Variants in LEF1 observed in about 807,000 individuals in gnomAD.
The protein encoded by LEF1 is lymphoid enhancer-binding factor 1.
In LEF1, 14 loss-of-function variants were observed where a neutral mutation model predicts 51.2. The observed-to-expected ratio is 0.27, with a 90% CI of 0.18 to 0.43. The LOEUF (loss-of-function observed/expected upper bound fraction) is 0.43. Ranked by LOEUF, LEF1 falls within the 20% of genes least tolerant of loss-of-function variation. The pLI, the probability that LEF1 is intolerant of heterozygous loss-of-function variation, is 1.00. For missense variants in LEF1, 386 were observed against 512.0 expected (o/e 0.75, Z 2.37); for synonymous variants, 185 against 183.2 (o/e 1.01, Z -0.08).
chr4:108,119,425 T>C (rs1402505129), intron 3 of LEF1, among the ~76,000 whole-genome samples: 2 of 152,094 alleles, frequency 1.3e-5, no homozygotes, highest in Non-Finnish European at 2.9e-5. Flanking sequence ...TCTGAGTCCA[T>C]ATTACATATT....
chr4:108,128,339 G>T (rs1468852926), intron 3 of LEF1, among the ~76,000 whole-genome samples: 1 of 151,982 alleles, frequency 6.6e-6, no homozygotes, highest in Non-Finnish European at 1.5e-5. Context: ...ACAACAAAAA[G>T]ATGAACAAAG....
chr4:108,103,166 G>T (rs142358461), intron 3 of LEF1, among the ~76,000 whole-genome samples: 1 of 152,188 alleles, frequency 6.6e-6, no homozygotes, highest in Non-Finnish European at 1.5e-5. Flanking sequence ...CTGCAAACAC[G>T]CAGCCAAACA....
chr4:108,122,371 T>C (rs1560805519), intron 3 of LEF1, among the ~76,000 whole-genome samples: 1 of 152,230 alleles, frequency 6.6e-6, no homozygotes. Context: ...CGTATTTTTT[T>C]CATACCTTTC....
chr4:108,049,086 C>T lies in LEF1; in HGVS notation c.*7-335G>A, dbSNP rs558192670. 2.5e-4 allele frequency among the ~76,000 whole-genome samples: 38 copies of T among 152,228 alleles called. No individual in the cohort carries two copies. The South Asian group carries it at 3.3e-3, about 13-fold the overall frequency. Reference sequence around the variant, plus strand: ...AACAGGCAAACATGAATAGGGAAGGCGGGCAACAGCCAGATCAGGGAAAGA... The same window carrying T: ...AACAGGCAAACATGAATAGGGAAGGTGGGCAACAGCCAGATCAGGGAAAGA... On this transcript the variant is annotated intron_variant, in intron 11 of 11. Transcript: ENST00000265165.
chr4:108,065,382 G>A (rs1737997028), intron 9 of LEF1, among the ~76,000 whole-genome samples: 1 of 152,226 alleles, frequency 6.6e-6, no homozygotes, highest in South Asian at 2.1e-4. Context: ...CTACTGGGGA[G>A]GCTGAAGCAG....
At chr4:108,120,987 T>C (rs1303353667) in intron 3 of LEF1, among the ~76,000 whole-genome samples, 1 of 152,228 alleles carries the variant, frequency 6.6e-6, no homozygotes, top group African/African-American at 2.4e-5. Context: ...GACCTGTCAA[T>C]CATTCTGCAA....
chr4:108,134,725 G>A (rs754709442), intron 3 of LEF1, among the ~76,000 whole-genome samples: 9 of 152,210 alleles, frequency 5.9e-5, no homozygotes, highest in Non-Finnish European at 8.8e-5. Context: ...GAAGTAGGAG[G>A]TAACATCGTT....
At chr4:108,139,268 C>G (rs951651814) in intron 3 of LEF1, among the ~76,000 whole-genome samples, 1 of 152,172 alleles carries the variant, frequency 6.6e-6, no homozygotes, top group African/African-American at 2.4e-5. Context: ...ACCATCAGTG[C>G]GTGGTTGTTT....
chr4:108,057,895 A>G (rs938199715), intron 11 of LEF1, among the ~76,000 whole-genome samples: 6 of 146,286 alleles, frequency 4.1e-5, no homozygotes, highest in African/African-American at 1.0e-4. Flanking sequence ...TTTCCCCGAG[A>G]CGGAGTCTCT....
At chr4:108,099,163 T>C (rs1466038105) in intron 3 of LEF1, among the ~76,000 whole-genome samples, 2 of 152,176 alleles carry the variant, frequency 1.3e-5, no homozygotes, top group African/African-American at 4.8e-5. Context: ...TCAATAAATT[T>C]ATTACTAAAA....
intron 3 of LEF1, among the ~76,000 whole-genome samples, chr4:108,143,285 C>A (rs1743786235): frequency 6.6e-6 from 1 of 152,122 alleles, no homozygotes; most frequent in African/African-American, 2.4e-5. Flanking sequence ...GGAAAGGGTA[C>A]AAACTACATG....
intron 4 of LEF1, 149 bp downstream of exon 4, chr4:108,088,976 C>T: frequency 2.4e-6 from 2 of 844,276 alleles, no homozygotes; most frequent in Non-Finnish European, 3.9e-6. Context: ...CAAAGAATTG[C>T]TATCAAATGA....
intron 4 of LEF1, among the ~76,000 whole-genome samples, chr4:108,086,850 G>A (rs373754883): frequency 2.0e-4 from 6 of 29,630 alleles, no homozygotes; most frequent in South Asian, 1.4e-3. Context: ...ACACACACAC[G>A]TGAAAACTAA....
chr4:108,132,659 C>CTTTTTTTTT lies in LEF1; in HGVS notation c.414+30900_414+30908dup, dbSNP rs749911957. Among the ~76,000 whole-genome samples, 441 of 47,434 alleles carry CTTTTTTTTT rather than the reference C, an allele frequency of 9.3e-3. 118 individuals are homozygous for CTTTTTTTTT. Among genetic ancestry groups the CTTTTTTTTT allele is most frequent in the African/African-American group, 0.033 (402 of 12,156 alleles). The allele number at this position is 47,434 out of a possible 152,430, so 31.1% of individuals were successfully genotyped here. On this transcript the variant is annotated intron_variant, in intron 3 of 11. Transcript: ENST00000265165. ...ATATGGGATGAGAGCGAAAATCTGC[C>CTTTTTTTTT]TTTTTTTTTTTTTTTTTTTTTTTTT... is the stretch of plus-strand genomic sequence containing the variant.
rs1745549688 is a variant in LEF1 at position 108,168,367 on chromosome 4, A to G, written c.-600T>C. ...AAACGTCCACTTCCTGAAGGGTGGG[A>G]AAAAAAGAAAAAGAAAAAGGAGCCA... On this transcript the variant is annotated 5_prime_UTR_variant, in exon 1 of 12. Coordinates refer to ENST00000265165, the MANE Select transcript of LEF1 (RefSeq NM_016269.5). The surrounding 1 kb of genome is among the most constrained non-coding windows in gnomAD (Gnocchi z 4.6). 1 of 152,242 alleles carries G rather than the reference A, an allele frequency of 6.6e-6. No individual in the cohort carries two copies. Among genetic ancestry groups the G allele is most frequent in the Admixed American group, 6.5e-5 (1 of 15,280 alleles). 9.4% of individuals were successfully genotyped at this position (152,242 alleles called of 1,614,324 possible).
intron 3 of LEF1, among the ~76,000 whole-genome samples, chr4:108,122,401 C>T (rs1323936114): frequency 6.6e-6 from 1 of 152,024 alleles, no homozygotes; most frequent in African/African-American, 2.4e-5. Context: ...CTTTTGGTCT[C>T]TATAATTCTG....
chr4:108,143,416 C>T (rs62310707), intron 3 of LEF1, among the ~76,000 whole-genome samples: 6,444 of 152,172 alleles, frequency 0.042, 162 homozygotes, highest in Non-Finnish European at 0.062. Context: ...CGGAAAATGC[C>T]GGAAATAAGT....
At chr4:108,055,395 T>C (rs961439991) in intron 11 of LEF1, among the ~76,000 whole-genome samples, 6 of 152,242 alleles carry the variant, frequency 3.9e-5, no homozygotes, top group Non-Finnish European at 8.8e-5. Flanking sequence ...GAGGTATTCG[T>C]ATTCAAATCA....
chr4:108,167,128 T>G lies in LEF1; in HGVS notation c.213+427A>C, dbSNP rs1464461795. Among the ~76,000 whole-genome samples, 4 of 152,206 alleles carry G rather than the reference T, an allele frequency of 2.6e-5. No homozygotes were observed. The East Asian group carries it at 7.7e-4, about 29-fold the overall frequency. ...GGTTTAACGCACTTTTGCAGAGACA[T>G]CTACCAAGAGATAGCGTGTGCACTT... On this transcript the variant is annotated intron_variant, in intron 1 of 11. Coordinates refer to ENST00000265165, the MANE Select transcript of LEF1 (RefSeq NM_016269.5). This position sits in a 1 kb window ranked among gnomAD's most constrained non-coding sequence, Gnocchi z 5.7.
Sources: allele counts gnomAD v4.1 joint callset (sites outside exome capture counted in the v4.1 genomes callset), GRCh38; gene constraint gnomAD v4.1.1; non-coding constraint Gnocchi (gnomAD v3.1); transcripts MANE v1.5; gene names NCBI Gene and HGNC (gene_info 2026-07-23, HGNC 2026-07-21).